The following TENM3 variants were observed in gnomAD, a reference collection of about 807,000 sequenced individuals.
TENM3 encodes teneurin-3.
TENM3 carries 63 observed loss-of-function variants against 255.1 expected under a neutral mutation model. That is an observed-to-expected ratio of 0.25 (90% CI 0.20 to 0.30). The LOEUF is 0.30. TENM3 is among the 10% of genes least tolerant of loss of function. TENM3 has a pLI of 1.00. For missense variants in TENM3, 2,929 were observed against 3,461.1 expected (o/e 0.85, Z 3.86); for synonymous variants, 1,306 against 1,322.3 (o/e 0.99, Z 0.27).
the TENM3 span, among the ~76,000 whole-genome samples, chr4:181,861,111 A>G: frequency 6.6e-6 from 1 of 152,218 alleles, no homozygotes; most frequent in African/African-American, 2.4e-5. Flanking sequence ...CTTGTGCTAT[A>G]AAGCTTGAAA....
At chr4:181,639,672 A>G in the TENM3 span, among the ~76,000 whole-genome samples, 3 of 152,296 alleles carry the variant, frequency 2.0e-5, no homozygotes, top group South Asian at 6.2e-4. Context: ...CCCAGGAGGC[A>G]GAGGTTGCAG....
chr4:182,544,708 C>A (rs1741255407), intron 3 of TENM3, among the ~76,000 whole-genome samples: 1 of 152,080 alleles, frequency 6.6e-6, no homozygotes, highest in Admixed American at 6.6e-5. Context: ...ACCTTTTAAA[C>A]CCAGGAATTA....
the TENM3 span, among the ~76,000 whole-genome samples, chr4:181,885,111 T>C: frequency 6.6e-6 from 1 of 152,224 alleles, no homozygotes; most frequent in Non-Finnish European, 1.5e-5. Context: ...TTGTATAATG[T>C]ATAAGCACTA....
chr4:182,566,917 A>G (rs901798430), intron 3 of TENM3, among the ~76,000 whole-genome samples: 5 of 152,212 alleles, frequency 3.3e-5, no homozygotes, highest in African/African-American at 4.8e-5. Context: ...GTATAGTGAC[A>G]TATATACAAA....
intron 1 of TENM3, among the ~76,000 whole-genome samples, chr4:182,247,190 G>C (rs1172550967): frequency 6.6e-6 from 1 of 152,228 alleles, no homozygotes. Context: ...TCTGTGTGCT[G>C]ATCAGTCCTG....
chr4:182,367,993 C>A (rs1766545248), intron 3 of TENM3, among the ~76,000 whole-genome samples: 1 of 152,172 alleles, frequency 6.6e-6, no homozygotes, highest in Non-Finnish European at 1.5e-5. Flanking sequence ...AGTTAACTTT[C>A]ATATACCTGT....
intron 3 of TENM3, among the ~76,000 whole-genome samples, chr4:182,398,322 G>A (rs1255752334): frequency 1.3e-5 from 2 of 152,108 alleles, no homozygotes. Flanking sequence ...CAGAATGTAA[G>A]GACAAGGGGA....
At chr4:182,309,734 T>G (rs2726797) in intron 1 of TENM3, among the ~76,000 whole-genome samples, 36,850 of 152,094 alleles carry the variant, frequency 0.24, 4,630 homozygotes, top group Middle Eastern at 0.28. Context: ...AGGTATAATC[T>G]CTTGCTCTCA....
At chr4:181,556,727 T>G in the TENM3 span, among the ~76,000 whole-genome samples, 9 of 152,320 alleles carry the variant, frequency 5.9e-5, no homozygotes, top group African/African-American at 2.2e-4. Flanking sequence ...GATGCATTTT[T>G]GGTAAAATTC....
chr4:182,156,648 T>C (rs1453554744), intron 1 of TENM3, among the ~76,000 whole-genome samples: 2 of 152,210 alleles, frequency 1.3e-5, no homozygotes, highest in East Asian at 3.8e-4. Context: ...GAGAGAAACG[T>C]ATTAAACCCT....
chr4:182,492,175 T>G (rs768363874), intron 3 of TENM3, among the ~76,000 whole-genome samples: 12 of 152,206 alleles, frequency 7.9e-5, no homozygotes, highest in Non-Finnish European at 1.6e-4. Flanking sequence ...CTAGTGGCAC[T>G]ATACATTTTA....
chr4:182,398,254 T>G (rs1013245918), intron 3 of TENM3, among the ~76,000 whole-genome samples: 1 of 152,086 alleles, frequency 6.6e-6, no homozygotes, highest in African/African-American at 2.4e-5. Context: ...TGAGATTGGC[T>G]CCAGATCCTG....
chr4:182,465,701 C>G (rs1732520095), intron 3 of TENM3, among the ~76,000 whole-genome samples: 1 of 152,108 alleles, frequency 6.6e-6, no homozygotes, highest in Non-Finnish European at 1.5e-5. Context: ...TGAGTACCTA[C>G]TATGTTTCTG....
At chr4:181,607,451 T>A in the TENM3 span, among the ~76,000 whole-genome samples, 797 of 151,836 alleles carry the variant, frequency 5.2e-3, 7 homozygotes, top group African/African-American at 0.018. Flanking sequence ...AGTCTCACTC[T>A]CTTGCCAGGC....
At chr4:182,340,585 T>C (rs1202251978) in intron 2 of TENM3, among the ~76,000 whole-genome samples, 1 of 152,238 alleles carries the variant, frequency 6.6e-6, no homozygotes, top group Admixed American at 6.5e-5. Flanking sequence ...AATGGGTATT[T>C]TGTTCAAATG....
intron 1 of TENM3, among the ~76,000 whole-genome samples, chr4:182,220,005 A>G (rs1420612998): frequency 1.3e-5 from 2 of 152,188 alleles, no homozygotes; most frequent in Admixed American, 6.5e-5. Flanking sequence ...AAGTCTGGCC[A>G]TATTAAATGA....
intron 4 of TENM3, among the ~76,000 whole-genome samples, chr4:182,618,064 A>C (rs183163915): frequency 4.3e-4 from 66 of 152,336 alleles, no homozygotes; most frequent in Admixed American, 8.5e-4. Context: ...TTTTAACACT[A>C]TATAAAACAT....
At chr4:182,430,595 TAGATTA>T (rs1215691435) in intron 3 of TENM3, among the ~76,000 whole-genome samples, 1 of 151,844 alleles carries the variant, frequency 6.6e-6, no homozygotes, top group African/African-American at 2.4e-5. Flanking sequence ...AGAAAGGCAG[TAGATTA>T]AGATTAAAAA....
At chr4:181,601,061 TTGATCTAAGAGCAATACTACCGG>T in the TENM3 span, among the ~76,000 whole-genome samples, 1 of 152,160 alleles carries the variant, frequency 6.6e-6, no homozygotes, top group Non-Finnish European at 1.5e-5. Context: ...CCCATCTGCC[TTGATCTAAGAGCAATACTACCGG>T]TGCACATCGG....
Sources: gnomAD v4.1 joint callset for allele counts (sites outside exome capture counted in the v4.1 genomes callset) on GRCh38, gnomAD v4.1.1 for gene constraint, MANE v1.5 for transcripts, NCBI Gene and HGNC (gene_info 2026-07-23, HGNC 2026-07-21) for gene names.